Variants in ACER3 observed in about 807,000 individuals in gnomAD.
ACER3 encodes the protein alkCDase 3.
In ACER3, 16 loss-of-function variants were observed where a neutral mutation model predicts 48.9. The observed-to-expected ratio is 0.33, with a 90% CI of 0.22 to 0.50. The LOEUF (loss-of-function observed/expected upper bound fraction) is 0.50. Ranked by LOEUF, ACER3 falls within the 20% of genes least tolerant of loss-of-function variation. The pLI is 0.98. For missense variants in ACER3, 227 were observed against 326.0 expected (o/e 0.70, Z 2.34); for synonymous variants, 109 against 107.8 (o/e 1.01, Z -0.07).
chr11:77,016,602 G>T, intron 8 of ACER3, 73 bp from the exon 9 acceptor site: 1 of 754,828 alleles, frequency 1.3e-6, no homozygotes, highest in Admixed American at 2.5e-5. Context: ...ATTTCAAAAT[G>T]CTCTAAGACT....
At chr11:76,941,035 A>G (rs1456944033) in intron 2 of ACER3, among the ~76,000 whole-genome samples, 3 of 136,540 alleles carry the variant, frequency 2.2e-5, no homozygotes, top group African/African-American at 1.1e-4. Context: ...ACACACACAC[A>G]CACACGCACA....
chr11:76,967,730 A>G (rs7929204), intron 3 of ACER3, among the ~76,000 whole-genome samples: 86,067 of 152,188 alleles, frequency 0.57, 27,805 homozygotes, highest in Non-Finnish European at 0.74. Flanking sequence ...GGCCTTTGAC[A>G]AAATTCAACA....
intron 4 of ACER3, among the ~76,000 whole-genome samples, chr11:76,980,561 A>G (rs1948562426): frequency 6.6e-6 from 1 of 152,150 alleles, no homozygotes; most frequent in Non-Finnish European, 1.5e-5. Context: ...CCTCTGTCCC[A>G]GCTACACAGG....
At chr11:76,944,304 G>A (rs1947422550) in intron 2 of ACER3, among the ~76,000 whole-genome samples, 1 of 151,914 alleles carries the variant, frequency 6.6e-6, no homozygotes, top group Non-Finnish European at 1.5e-5. Flanking sequence ...AGACTTATGA[G>A]TTTTATATTT....
chr11:76,932,706 C>T (rs1947041761), intron 2 of ACER3, among the ~76,000 whole-genome samples: 1 of 152,184 alleles, frequency 6.6e-6, no homozygotes, highest in South Asian at 2.1e-4. Flanking sequence ...CCCACACTTT[C>T]AGCCTTACTA....
intron 1 of ACER3, among the ~76,000 whole-genome samples, chr11:76,922,970 C>T (rs899148339): frequency 6.6e-5 from 10 of 151,990 alleles, no homozygotes; most frequent in East Asian, 1.9e-4. Context: ...CTATTCCCAA[C>T]GATCTTACTC....
intron 4 of ACER3, among the ~76,000 whole-genome samples, chr11:76,977,398 G>C (rs541210966): frequency 6.6e-6 from 1 of 152,308 alleles, no homozygotes; most frequent in East Asian, 1.9e-4. Context: ...TAAGGAGGGT[G>C]GGTGAGGTTA....
chr11:76,877,661 A>C (rs1420867872), intron 1 of ACER3, among the ~76,000 whole-genome samples: 1 of 152,128 alleles, frequency 6.6e-6, no homozygotes, highest in Non-Finnish European at 1.5e-5. Context: ...CTAAAGGTTG[A>C]CAAATGAAGA....
chr11:76,872,894 CTTTCTTTTTTCTT>C (rs1485146335), intron 1 of ACER3, among the ~76,000 whole-genome samples: 4 of 124,780 alleles, frequency 3.2e-5, no homozygotes, highest in Non-Finnish European at 6.8e-5. Flanking sequence ...TTCTTTCTTT[CTTTCTTTTTTCTT>C]TTTCTTTTTT....
chr11:76,905,428 A>G (rs1946203421), intron 1 of ACER3, among the ~76,000 whole-genome samples: 1 of 152,152 alleles, frequency 6.6e-6, no homozygotes, highest in Non-Finnish European at 1.5e-5. Flanking sequence ...TAGCAGTGAT[A>G]ATGGGGTGAA....
At chr11:76,964,083 A>G (rs1948072412) in intron 3 of ACER3, among the ~76,000 whole-genome samples, 9 of 151,464 alleles carry the variant, frequency 5.9e-5, no homozygotes, top group Admixed American at 5.9e-4. Context: ...GGGGTGACCG[A>G]TGGCACCTGG....
At chr11:76,943,759 C>A (rs961594679) in intron 2 of ACER3, among the ~76,000 whole-genome samples, 4 of 147,660 alleles carry the variant, frequency 2.7e-5, no homozygotes, top group African/African-American at 1.0e-4. Context: ...ACCCCCCCCC[C>A]CACTATTATC....
Position 76,985,684 on chromosome 11 carries a change from T to C in ACER3, c.362T>C (p.Leu121Pro). 6.4e-7 allele frequency: 1 copy of C among 1,573,704 alleles called. No homozygotes were observed. The highest frequency in any genetic ancestry group is 8.6e-7 in the Non-Finnish European group (1 of 1,168,200). ...FKIKNSVNYH[L>P]LFTLVLFSLI... ...ATCAAGAACTCAGTAAACTACCATC[T>C]GCTTTTTACCTTAGTTCTATTCAGT... Residue 121 changes from leucine (L) to proline (P), a missense_variant, in exon 5 of 11, where the codon CTG becomes CCG. Around this residue, in one of 3 missense-constraint regions of ACER3, gnomAD observed 195 missense variants for 290.8 expected, o/e 0.67. Transcript: ENST00000532485.
chr11:76,894,890 G>A (rs1945891403), intron 1 of ACER3, among the ~76,000 whole-genome samples: 2 of 152,172 alleles, frequency 1.3e-5, no homozygotes, highest in African/African-American at 4.8e-5. Flanking sequence ...AATCTGCATG[G>A]AGGCCTGCTT....
At chr11:77,002,984 G>A (rs782266500) in intron 7 of ACER3, among the ~76,000 whole-genome samples, 8 of 152,216 alleles carry the variant, frequency 5.3e-5, no homozygotes, top group Non-Finnish European at 1.2e-4. Context: ...GAGAGTTATC[G>A]TTTTATGGGT....
intron 3 of ACER3, among the ~76,000 whole-genome samples, chr11:76,960,196 G>A (rs955088001): frequency 2.6e-5 from 4 of 152,076 alleles, no homozygotes; most frequent in Non-Finnish European, 5.9e-5. Flanking sequence ...GGATCACGAG[G>A]TCAGGAGATT....
At chr11:76,869,921 G>A (rs1945199077) in intron 1 of ACER3, among the ~76,000 whole-genome samples, 1 of 152,176 alleles carries the variant, frequency 6.6e-6, no homozygotes, top group East Asian at 1.9e-4. Flanking sequence ...GAGTGCAGTG[G>A]CGTGATCGTG....
chr11:76,985,382 A>G (rs1298446949), intron 4 of ACER3, among the ~76,000 whole-genome samples: 1 of 152,086 alleles, frequency 6.6e-6, no homozygotes, highest in East Asian at 1.9e-4. Flanking sequence ...AACTCTCTAT[A>G]CTGAATTGAT....
At position 76,963,955 on chromosome 11, in the gene ACER3, C is replaced by T. The variant is rs968208753; in HGVS notation, c.267+4924C>T. ...CCGGGTTCATCTCACTGGGGAGTGC[C>T]GGACATTGGGTGCAGGTCAGTGGGT... On this transcript the variant is annotated intron_variant, in intron 3 of 10. Coordinates refer to ENST00000532485, the MANE Select transcript of ACER3 (RefSeq NM_018367.7). 2.0e-5 allele frequency among the ~76,000 whole-genome samples: 3 copies of T among 151,472 alleles called. 1 individual carries two copies. Among genetic ancestry groups the T allele is most frequent in the African/African-American group, 4.9e-5 (2 of 40,768 alleles).
Sources: gnomAD v4.1 joint callset for allele counts (sites outside exome capture counted in the v4.1 genomes callset) on GRCh38, gnomAD v4.1.1 for gene constraint, gnomAD v4.1.1 regional missense constraint, MANE v1.5 for transcripts, NCBI Gene and HGNC (gene_info 2026-07-23, HGNC 2026-07-21) for gene names.